SLC39A11: variants seen among roughly 807,000 people sequenced by gnomAD.
The protein encoded by SLC39A11 is solute carrier family 39 member 11.
In SLC39A11, 33 loss-of-function variants were observed where a neutral mutation model predicts 36.1. That is an observed-to-expected ratio of 0.91 (90% CI 0.69 to 1.22). SLC39A11 has a LOEUF of 1.22. SLC39A11 is among the 50% of genes most tolerant of loss of function. The pLI, the probability that SLC39A11 is intolerant of heterozygous loss-of-function variation, is 0.00. For synonymous variants in SLC39A11, 166 were observed against 170.3 expected (o/e 0.97, Z 0.20); for missense variants, 432 against 430.3 (o/e 1.00, Z -0.03).
chr17:72,725,868 C>A (rs1380683655), intron 7 of SLC39A11, among the ~76,000 whole-genome samples: 2 of 152,116 alleles, frequency 1.3e-5, no homozygotes, highest in Non-Finnish European at 2.9e-5. Context: ...GCACAATGTG[C>A]GATTGCAGAT....
Position 72,670,212 on chromosome 17 carries a change from C to CAT in SLC39A11, c.672-20946_672-20945dup, listed in dbSNP as rs1201687637. On this transcript the variant is annotated intron_variant, in intron 7 of 9. Transcript: ENST00000255559. The stretch of plus-strand genomic sequence containing the variant: ...ACACACACACACACACACACACACA[C>CAT]ATATATATATATGCCAGGCATGGTG... Among the ~76,000 whole-genome samples, 671 of 125,108 alleles carry CAT rather than the reference C, an allele frequency of 5.4e-3. 6 individuals are homozygous for CAT. Among genetic ancestry groups the CAT allele is most frequent in the Non-Finnish European group, 8.1e-3 (473 of 58,130 alleles). 82.1% of individuals were successfully genotyped at this position (125,108 alleles called of 152,430 possible).
intron 6 of SLC39A11, among the ~76,000 whole-genome samples, chr17:72,819,950 T>C (rs1247156328): frequency 2.0e-5 from 3 of 151,150 alleles, no homozygotes; most frequent in African/African-American, 7.3e-5. Flanking sequence ...CAATTCATGC[T>C]AGGCCCTGTG....
At chr17:72,728,485 G>C (rs142943804) in intron 7 of SLC39A11, among the ~76,000 whole-genome samples, 74 of 151,814 alleles carry the variant, frequency 4.9e-4, no homozygotes, top group African/African-American at 1.8e-3. Context: ...GAACAGGGAG[G>C]TCAGATAGTA....
chr17:72,810,430 T>C (rs2077398052), intron 6 of SLC39A11, among the ~76,000 whole-genome samples: 1 of 152,244 alleles, frequency 6.6e-6, no homozygotes, highest in Admixed American at 6.5e-5. Context: ...AATCAACTAT[T>C]GCAATGCACA....
intron 3 of SLC39A11, among the ~76,000 whole-genome samples, chr17:73,062,714 G>C (rs2059885704): frequency 6.6e-6 from 1 of 152,116 alleles, no homozygotes; most frequent in Non-Finnish European, 1.5e-5. Flanking sequence ...CCAGGGACTG[G>C]TTTCGTGGAA....
Position 73,062,780 on chromosome 17 carries a change from C to T in SLC39A11, c.147+22028G>A, listed in dbSNP as rs145883994. Among the ~76,000 whole-genome samples the T allele has an allele frequency of 7.4e-3, 1,134 of 152,256 alleles. 12 individuals carry two copies. The highest frequency in any genetic ancestry group is 0.025 in the African/African-American group (1,042 of 41,538). ...ATGGTTTTGGGATGACACTGTTCCA[C>T]CTCAAATCATCAGGCGTTAGAGTCT... On this transcript the variant is annotated intron_variant, in intron 3 of 9. Transcript: ENST00000255559.
intron 7 of SLC39A11, among the ~76,000 whole-genome samples, chr17:72,712,223 C>A (rs2073133083): frequency 6.6e-6 from 1 of 152,234 alleles, no homozygotes. Flanking sequence ...AGGGGACAGG[C>A]TCCAAAGACA....
At chr17:72,782,148 G>A (rs1313585064) in intron 6 of SLC39A11, among the ~76,000 whole-genome samples, 4 of 151,958 alleles carry the variant, frequency 2.6e-5, no homozygotes, top group African/African-American at 2.4e-5. Context: ...AGGAAAAGAA[G>A]GGGAAGCAGA....
chr17:73,071,253 C>G (rs1351112926), intron 3 of SLC39A11, among the ~76,000 whole-genome samples: 1 of 152,210 alleles, frequency 6.6e-6, no homozygotes, highest in African/African-American at 2.4e-5. Context: ...GCTGCTTGAG[C>G]TAGCTTTCCC....
intron 6 of SLC39A11, among the ~76,000 whole-genome samples, chr17:72,846,330 T>C (rs2079054803): frequency 2.0e-5 from 3 of 151,976 alleles, no homozygotes; most frequent in Admixed American, 6.6e-5. Flanking sequence ...GCACCTGGCC[T>C]CAATCCTTAT....
intron 4 of SLC39A11, among the ~76,000 whole-genome samples, chr17:73,004,390 T>C (rs1424959057): frequency 6.6e-6 from 1 of 152,176 alleles, no homozygotes; most frequent in Non-Finnish European, 1.5e-5. Context: ...GCCGTCTTCT[T>C]GCCGTGTCCT....
intron 4 of SLC39A11, among the ~76,000 whole-genome samples, chr17:73,027,769 G>A (rs1327159810): frequency 6.6e-6 from 1 of 152,168 alleles, no homozygotes; most frequent in Admixed American, 6.5e-5. Flanking sequence ...TGGCTCTGAC[G>A]CTCCCAGGCA....
At chr17:72,834,622 C>T (rs2078438209) in intron 6 of SLC39A11, among the ~76,000 whole-genome samples, 1 of 132,276 alleles carries the variant, frequency 7.6e-6, no homozygotes, top group South Asian at 2.4e-4. Flanking sequence ...ACTCCAACTC[C>T]ATAAACAAAA....
chr17:72,890,391 G>A (rs113131497), intron 5 of SLC39A11, among the ~76,000 whole-genome samples: 4,080 of 152,200 alleles, frequency 0.027, 77 homozygotes, highest in Non-Finnish European at 0.04. Flanking sequence ...TAGTAGGAAG[G>A]GATTCAAGAA....
intron 3 of SLC39A11, among the ~76,000 whole-genome samples, chr17:73,042,034 C>A (rs113181857): frequency 3.4e-4 from 52 of 152,264 alleles, no homozygotes; most frequent in African/African-American, 1.2e-3. Context: ...CAACTTAACA[C>A]CTACCCCACA....
At chr17:72,827,744 T>C (rs141863432) in intron 6 of SLC39A11, among the ~76,000 whole-genome samples, 91 of 152,308 alleles carry the variant, frequency 6.0e-4, no homozygotes, top group African/African-American at 2.1e-3. Flanking sequence ...TGTCTTTAAA[T>C]GCACTGAAGA....
chr17:73,033,338 TA>T (rs2143072416), intron 3 of SLC39A11, among the ~76,000 whole-genome samples: 1 of 152,200 alleles, frequency 6.6e-6, no homozygotes, highest in South Asian at 2.1e-4. Flanking sequence ...AGCAGGACCA[TA>T]ACCAACTCAA....
chr17:72,891,881 A>C (rs2081764024), intron 5 of SLC39A11, among the ~76,000 whole-genome samples: 2 of 151,690 alleles, frequency 1.3e-5, no homozygotes, highest in South Asian at 4.1e-4. Flanking sequence ...AATTTAAAAA[A>C]CTCTCCTCCA....
At chr17:73,007,382 C>T (rs1162988570) in intron 4 of SLC39A11, among the ~76,000 whole-genome samples, 1 of 152,182 alleles carries the variant, frequency 6.6e-6, no homozygotes, top group Non-Finnish European at 1.5e-5. Context: ...GATTATGCCA[C>T]TGCACTCCAG....
Sources: gnomAD v4.1 joint callset for allele counts (sites outside exome capture counted in the v4.1 genomes callset) on GRCh38, gnomAD v4.1.1 for gene constraint, MANE v1.5 for transcripts, NCBI Gene and HGNC (gene_info 2026-07-23, HGNC 2026-07-21) for gene names.